Variants in SGCD observed in about 807,000 individuals in gnomAD.
The protein encoded by SGCD is sarcoglycan delta.
Under a neutral mutation model 36.6 loss-of-function variants are expected in SGCD, and 18 were observed. That is an observed-to-expected ratio of 0.49 (90% confidence interval 0.34 to 0.73). SGCD has a LOEUF of 0.73. Among genes scored for constraint, SGCD ranks in the 30% least tolerant of loss-of-function variants. SGCD has a pLI of 0.01. For synonymous variants in SGCD, 133 were observed against 130.6 expected, an observed-to-expected ratio of 1.02 and a Z score of -0.12; for missense variants, 387 against 346.7, an observed-to-expected ratio of 1.12 and a Z score of -0.92.
chr5:156,556,120 G>GAAAA (rs34927078), intron 4 of SGCD, among the ~76,000 whole-genome samples: 16 of 134,300 alleles, frequency 1.2e-4, no homozygotes, highest in African/African-American at 4.3e-4. Flanking sequence ...ATACAGATAA[G>GAAAA]AAAAAAAAAA....
upstream of SGCD, among the ~76,000 whole-genome samples, chr5:156,324,235 C>T (rs1233020509): frequency 2.0e-5 from 3 of 151,998 alleles, no homozygotes; most frequent in Non-Finnish European, 1.5e-5. Context: ...CTGGTAATGT[C>T]CTGGAGGGCA....
intron 7 of SGCD, among the ~76,000 whole-genome samples, chr5:156,735,534 G>A (rs1004125293): frequency 1.3e-5 from 2 of 152,134 alleles, no homozygotes; most frequent in South Asian, 2.1e-4. Flanking sequence ...CTATGTTTTT[G>A]TAGAGCAGCT....
the SGCD span, among the ~76,000 whole-genome samples, chr5:155,863,056 AAGAT>A: frequency 6.6e-6 from 1 of 152,208 alleles, no homozygotes; most frequent in Non-Finnish European, 1.5e-5. Flanking sequence ...AAGAAACAGA[AAGAT>A]AGATATCCAT....
the SGCD span, among the ~76,000 whole-genome samples, chr5:155,772,719 G>T: frequency 2.4e-4 from 37 of 152,146 alleles, no homozygotes; most frequent in African/African-American, 8.7e-4. Context: ...TTTTGTAACT[G>T]GGTACCCCCA....
chr5:156,241,446 A>G (rs765389954), intron 3 of SGCD, among the ~76,000 whole-genome samples: 1 of 152,208 alleles, frequency 6.6e-6, no homozygotes, highest in Non-Finnish European at 1.5e-5. Context: ...TGACTTTGGC[A>G]TGGCAAGTGA....
rs561328077 is a variant in SGCD, at chr5:156,056,645, T to TAAA, written c.-281-61215_-281-61213dup. The stretch of plus-strand genomic sequence containing the variant: ...GGTCCCCTACCTGCCAAATTATCCT[T>TAAA]AAAAAAAAAAAAAAAAAAAACAGTC... On this transcript the variant is annotated intron_variant, in intron 1 of 9. Coordinates refer to the SGCD transcript ENST00000517913. 1.2e-3 allele frequency among the ~76,000 whole-genome samples: 82 copies of TAAA among 68,254 alleles called. 5 individuals are homozygous for TAAA. The East Asian group carries it at 0.022, about 18-fold the overall frequency. 44.8% of individuals were successfully genotyped at this position (68,254 alleles called of 152,430 possible). A position where few individuals can be genotyped will look rare whatever the true frequency, so the allele number is the denominator to read the frequency against.
intron 1 of SGCD, among the ~76,000 whole-genome samples, chr5:156,030,591 TTTTA>T (rs1407487850): frequency 2.6e-5 from 4 of 152,222 alleles, no homozygotes; most frequent in African/African-American, 9.7e-5. Flanking sequence ...TATGGTCATT[TTTTA>T]TAGCAGCCCT....
intron 1 of SGCD, among the ~76,000 whole-genome samples, chr5:155,935,708 G>A (rs1395796659): frequency 6.6e-6 from 1 of 152,162 alleles, no homozygotes. Flanking sequence ...GTTGTTACAG[G>A]AGCCTTGGGG....
At chr5:156,464,992 C>T (rs1581032598) in intron 3 of SGCD, among the ~76,000 whole-genome samples, 1 of 152,112 alleles carries the variant, frequency 6.6e-6, no homozygotes, top group East Asian at 1.9e-4. Flanking sequence ...ACTTCAGATT[C>T]GTTGAGCTCT....
intron 3 of SGCD, among the ~76,000 whole-genome samples, chr5:156,364,618 A>T (rs1769991608): frequency 6.6e-6 from 1 of 152,188 alleles, no homozygotes; most frequent in South Asian, 2.1e-4. Flanking sequence ...TTGTACACAG[A>T]CTATAGGAAG....
At chr5:156,126,435 G>A (rs897199286) in intron 3 of SGCD, among the ~76,000 whole-genome samples, 1 of 152,068 alleles carries the variant, frequency 6.6e-6, no homozygotes, top group Non-Finnish European at 1.5e-5. Flanking sequence ...GAGACCAGTC[G>A]ACCATTAAGG....
In SGCD at chr5:156,344,570, G is replaced by T. The variant is rs773399590; in HGVS notation, c.85G>T (p.Gly29Cys). The T allele has an allele frequency of 6.2e-7, 1 of 1,612,362 alleles. No homozygotes were observed. Among genetic ancestry groups the T allele is most frequent in the Admixed American group, 1.7e-5 (1 of 59,872 alleles). Residue 29 changes from glycine to cysteine, a missense_variant, in exon 3 of 9, where the codon GGC becomes TGC. Gly to Cys is a radical substitution (Grantham distance 159). Transcript: ENST00000337851. The part of the protein sequence containing the change: ...GPQVYKVGIY[G>C]WRKRCLYFFV... ...ACAGGTATACAAGGTGGGGATTTAT[G>T]GCTGGCGGAAACGATGCCTGTATTT...
At chr5:156,528,644 A>G (rs930401879) in intron 4 of SGCD, among the ~76,000 whole-genome samples, 1 of 152,184 alleles carries the variant, frequency 6.6e-6, no homozygotes, top group Non-Finnish European at 1.5e-5. Flanking sequence ...GTGTGAGGCC[A>G]TGAGGGAGTA....
At chr5:156,533,387 G>T (rs558438607) in intron 4 of SGCD, among the ~76,000 whole-genome samples, 33 of 152,216 alleles carry the variant, frequency 2.2e-4, no homozygotes, top group Admixed American at 2.1e-3. Context: ...TGTGAATTTA[G>T]TCCCTGACTC....
chr5:155,984,835 C>T (rs970406406), intron 1 of SGCD, among the ~76,000 whole-genome samples: 20 of 152,332 alleles, frequency 1.3e-4, no homozygotes, highest in Middle Eastern at 6.8e-3. Context: ...TTATTCATCA[C>T]AGTCTGCTAT....
At chr5:156,220,095 TC>T (rs1258027534) in intron 3 of SGCD, among the ~76,000 whole-genome samples, 1 of 152,194 alleles carries the variant, frequency 6.6e-6, no homozygotes, top group Non-Finnish European at 1.5e-5. Flanking sequence ...AAACCTGATA[TC>T]CTTTTTATAC....
At chr5:156,289,992 A>G (rs1020635653) in intron 3 of SGCD, among the ~76,000 whole-genome samples, 5 of 152,178 alleles carry the variant, frequency 3.3e-5, no homozygotes, top group Admixed American at 2.6e-4. Context: ...AAGAAAGACA[A>G]TCTTATAGGC....
At chr5:156,078,374 G>T (rs1254580096) in intron 1 of SGCD, among the ~76,000 whole-genome samples, 1 of 151,480 alleles carries the variant, frequency 6.6e-6, no homozygotes, top group Non-Finnish European at 1.5e-5. Context: ...TTCGCCGGAT[G>T]TGGTGAGGCT....
chr5:155,975,609 C>CCTTTT lies in SGCD; in HGVS notation c.-282+105185_-282+105186insCTTTT, dbSNP rs1758096365. ...TGTGTTATTTATTTTTCTTTCTTTC[C>CCTTTT]TTTTTTTTTTTTTTTTTTTTTTTTT... On this transcript the variant is annotated intron_variant, in intron 1 of 9. Transcript: ENST00000517913. Among the ~76,000 whole-genome samples the CCTTTT allele has an allele frequency of 9.6e-4, 27 of 28,004 alleles. 2 individuals are homozygous for CCTTTT. The highest frequency in any genetic ancestry group is 1.2e-3 in the Non-Finnish European group (18 of 14,596). The allele number at this position is 28,004 out of a possible 152,430, so 18.4% of individuals were successfully genotyped here.
Sources: gnomAD v4.1 joint callset for allele counts (sites outside exome capture counted in the v4.1 genomes callset) on GRCh38, gnomAD v4.1.1 for gene constraint, MANE v1.5 for transcripts, NCBI Gene and HGNC (gene_info 2026-07-23, HGNC 2026-07-21) for gene names.